SOX6: variants seen among roughly 807,000 people sequenced by gnomAD.
The protein encoded by SOX6 is SRY-box transcription factor 6.
In SOX6, 11 loss-of-function variants were observed where a neutral mutation model predicts 97.8. That is an observed-to-expected ratio of 0.11 (90% CI 0.07 to 0.19). The LOEUF (loss-of-function observed/expected upper bound fraction) is 0.19. SOX6 is among the 10% of genes least tolerant of loss of function. The pLI is 1.00. For synonymous variants in SOX6, 360 were observed against 371.4 expected (o/e 0.97, Z 0.35); for missense variants, 810 against 1,039.5 (o/e 0.78, Z 3.04).
intron 1 of SOX6, among the ~76,000 whole-genome samples, chr11:16,406,981 A>T (rs1027745301): frequency 2.0e-5 from 3 of 152,144 alleles, no homozygotes; most frequent in African/African-American, 4.8e-5. Flanking sequence ...TATTAAGCTG[A>T]TCCTAAAATG....
intron 13 of SOX6, among the ~76,000 whole-genome samples, chr11:16,000,781 C>T (rs1198329313): frequency 1.3e-5 from 2 of 152,022 alleles, no homozygotes; most frequent in African/African-American, 4.8e-5. Context: ...ATAGAAAGGC[C>T]TAGTTATATA....
At chr11:16,553,541 C>A (rs1847713656) in intron 4 of SOX6, among the ~76,000 whole-genome samples, 1 of 151,532 alleles carries the variant, frequency 6.6e-6, no homozygotes, top group African/African-American at 2.4e-5. Flanking sequence ...ATGAGGGCAG[C>A]CAGGGATCAC....
chr11:16,150,407 G>T (rs1850429538), intron 6 of SOX6, among the ~76,000 whole-genome samples: 2 of 152,170 alleles, frequency 1.3e-5, no homozygotes, highest in South Asian at 4.1e-4. Flanking sequence ...TTTGGGATGG[G>T]ACGGTCATGA....
intron 3 of SOX6, among the ~76,000 whole-genome samples, chr11:16,619,248 AAAG>A (rs1848510294): frequency 6.6e-6 from 1 of 151,834 alleles, no homozygotes; most frequent in African/African-American, 2.4e-5. Context: ...CCAAAAAAAA[AAAG>A]AAAAGAAACT....
chr11:15,987,732 A>G (rs538318465), intron 14 of SOX6, among the ~76,000 whole-genome samples: 1 of 151,634 alleles, frequency 6.6e-6, no homozygotes, highest in East Asian at 1.9e-4. Flanking sequence ...AAAAAAAAAA[A>G]TGTATGTCCA....
At chr11:16,706,764 C>A (rs920807634) in intron 3 of SOX6, among the ~76,000 whole-genome samples, 2 of 151,130 alleles carry the variant, frequency 1.3e-5, no homozygotes, top group African/African-American at 4.9e-5. Flanking sequence ...ACAAATTAGC[C>A]ATTTTAATAT....
rs1338859815 is a variant in SOX6 at position 16,398,424 on chromosome 11, C to T, written c.-4-57172G>A. On this transcript the variant is annotated intron_variant, in intron 1 of 15. Transcript: ENST00000396356. Reference sequence around the variant, plus strand: ...TATTCCTGGATGTGAATAAGCAAGTCCTATTCATCGTACCGGGTGTGGGGC... The same window carrying T: ...TATTCCTGGATGTGAATAAGCAAGTTCTATTCATCGTACCGGGTGTGGGGC... 2.6e-5 allele frequency among the ~76,000 whole-genome samples: 4 copies of T among 151,338 alleles called. No individual in the cohort carries two copies. In the South Asian group the frequency reaches 8.3e-4, roughly 31 times the overall value.
intron 3 of SOX6, among the ~76,000 whole-genome samples, chr11:16,678,355 C>A (rs1847900738): frequency 6.6e-6 from 1 of 152,112 alleles, no homozygotes. Context: ...TTTTCATTTT[C>A]TTTCCATTTA....
intron 4 of SOX6, among the ~76,000 whole-genome samples, chr11:16,227,804 C>T (rs540534003): frequency 6.6e-6 from 1 of 152,328 alleles, no homozygotes; most frequent in East Asian, 1.9e-4. Flanking sequence ...TTAGGCCAAA[C>T]TTCCCTAGGT....
intron 6 of SOX6, among the ~76,000 whole-genome samples, chr11:16,128,816 T>C (rs1021367917): frequency 1.3e-5 from 2 of 152,096 alleles, no homozygotes; most frequent in African/African-American, 4.8e-5. Context: ...GAATTCCAAG[T>C]TCAGGAATTT....
At chr11:16,009,989 G>A (rs1854662183) in intron 13 of SOX6, among the ~76,000 whole-genome samples, 1 of 151,896 alleles carries the variant, frequency 6.6e-6, no homozygotes, top group Non-Finnish European at 1.5e-5. Flanking sequence ...ATTTTTAAGA[G>A]AGGGCATTCA....
At chr11:16,136,342 TGG>T (rs1691336488) in intron 6 of SOX6, among the ~76,000 whole-genome samples, 20 of 110,926 alleles carry the variant, frequency 1.8e-4, no homozygotes, top group Admixed American at 4.7e-4. Flanking sequence ...TGTGTGTGTG[TGG>T]TTTTTTTTTT....
At chr11:16,499,652 C>G (rs960677737) in intron 4 of SOX6, among the ~76,000 whole-genome samples, 1 of 152,180 alleles carries the variant, frequency 6.6e-6, no homozygotes, top group Non-Finnish European at 1.5e-5. Context: ...CACAGAAATA[C>G]AAACTACCAT....
chr11:16,165,734 C>T (rs541198440), intron 6 of SOX6, among the ~76,000 whole-genome samples: 3 of 152,084 alleles, frequency 2.0e-5, no homozygotes, highest in Non-Finnish European at 4.4e-5. Context: ...CCTGTCTCTA[C>T]TAAAAGTACA....
intron 7 of SOX6, among the ~76,000 whole-genome samples, chr11:16,103,434 T>C (rs1212890406): frequency 6.6e-6 from 1 of 151,878 alleles, no homozygotes; most frequent in East Asian, 1.9e-4. Flanking sequence ...TGTAAACTAG[T>C]ACAAACACTA....
intron 9 of SOX6, among the ~76,000 whole-genome samples, chr11:16,087,427 C>A (rs983035589): frequency 6.6e-6 from 1 of 152,138 alleles, no homozygotes; most frequent in East Asian, 1.9e-4. Flanking sequence ...ATGAACAGTT[C>A]CCAGGTTCTC....
intron 1 of SOX6, among the ~76,000 whole-genome samples, chr11:16,361,994 T>A (rs1857221128): frequency 6.6e-6 from 1 of 152,180 alleles, no homozygotes; most frequent in South Asian, 2.1e-4. Flanking sequence ...TTTGGTGAGA[T>A]CAGTAGAATT....
intron 3 of SOX6, among the ~76,000 whole-genome samples, chr11:16,285,629 C>T (rs1854712956): frequency 6.6e-6 from 1 of 152,014 alleles, no homozygotes; most frequent in African/African-American, 2.4e-5. Flanking sequence ...TGTCACTGTG[C>T]TTAATATGCA....
intron 4 of SOX6, among the ~76,000 whole-genome samples, chr11:16,568,750 C>T (rs1847904363): frequency 6.6e-6 from 1 of 152,154 alleles, no homozygotes. Context: ...TGTGCTCCAA[C>T]AGCCCTTTAT....
Sources: gnomAD v4.1 joint callset for allele counts (sites outside exome capture counted in the v4.1 genomes callset) on GRCh38, gnomAD v4.1.1 for gene constraint, MANE v1.5 for transcripts, NCBI Gene and HGNC (gene_info 2026-07-23, HGNC 2026-07-21) for gene names.